RELN: variants seen among roughly 807,000 people sequenced by gnomAD.
RELN encodes the protein reelin.
RELN carries 108 observed loss-of-function variants against 427.6 expected under a neutral mutation model. The observed-to-expected ratio is 0.25, with a 90% confidence interval of 0.22 to 0.30. The LOEUF is 0.30. RELN is among the 10% of genes least tolerant of loss of function. The pLI is 1.00. For synonymous variants in RELN, 1,524 were observed against 1,513.4 expected (o/e 1.01, Z -0.16); for missense variants, 3,715 against 4,302.8 (o/e 0.86, Z 3.82).
chr7:103,939,253 A>C (rs747108933), intron 1 of RELN, among the ~76,000 whole-genome samples: 1 of 152,188 alleles, frequency 6.6e-6, no homozygotes, highest in Non-Finnish European at 1.5e-5. Context: ...CCAGCCATAC[A>C]GTTTTATAAG....
At chr7:103,985,355 C>CT (rs1176417349) in intron 1 of RELN, among the ~76,000 whole-genome samples, 2 of 152,174 alleles carry the variant, frequency 1.3e-5, no homozygotes, top group Non-Finnish European at 2.9e-5. Context: ...CCATCTTATG[C>CT]TACCATAGTA....
At chr7:103,906,450 T>C (rs1795206013) in intron 2 of RELN, among the ~76,000 whole-genome samples, 1 of 152,156 alleles carries the variant, frequency 6.6e-6, no homozygotes, top group African/African-American at 2.4e-5. Flanking sequence ...TATGATTTCT[T>C]AGAATCCCCA....
At chr7:103,750,319 C>A (rs566605024) in intron 5 of RELN, among the ~76,000 whole-genome samples, 1 of 152,224 alleles carries the variant, frequency 6.6e-6, no homozygotes, top group South Asian at 2.1e-4. Context: ...CTCTTTTGCT[C>A]GGCACTTCTT....
chr7:103,684,297 G>A (rs2299361), intron 10 of RELN, among the ~76,000 whole-genome samples: 2,920 of 152,140 alleles, frequency 0.019, 102 homozygotes, highest in African/African-American at 0.064. Context: ...GGGCACAGCG[G>A]GCTTGGTGTC....
chr7:103,649,314 C>A (rs1832863245), intron 16 of RELN, among the ~76,000 whole-genome samples: 1 of 151,938 alleles, frequency 6.6e-6, no homozygotes, highest in Non-Finnish European at 1.5e-5. Context: ...AGGCCATTAT[C>A]CTAAGTGATA....
At chr7:103,647,070 A>G (rs1412680385) in intron 16 of RELN, among the ~76,000 whole-genome samples, 1 of 151,914 alleles carries the variant, frequency 6.6e-6, no homozygotes, top group African/African-American at 2.4e-5. Flanking sequence ...AAAATAATAA[A>G]GGCCGTATAT....
intron 16 of RELN, among the ~76,000 whole-genome samples, chr7:103,647,113 G>A (rs1321773461): frequency 6.6e-6 from 1 of 151,890 alleles, no homozygotes; most frequent in African/African-American, 2.4e-5. Context: ...TATGGAATGG[G>A]GAAAAAGTCA....
chr7:103,907,296 G>A (rs1795229603), intron 2 of RELN, among the ~76,000 whole-genome samples: 5 of 145,528 alleles, frequency 3.4e-5, no homozygotes, highest in Admixed American at 2.1e-4. Context: ...CACACCTGTA[G>A]TCCCAGCTTC....
intron 31 of RELN, among the ~76,000 whole-genome samples, chr7:103,567,578 A>G (rs362728): frequency 0.73 from 110,501 of 151,936 alleles, 40,436 homozygotes; most frequent in African/African-American, 0.79. Flanking sequence ...CAGTGCCTGT[A>G]TTAAGAATAA....
At chr7:103,777,886 C>CACACACACACACAT (rs1791785075) in intron 3 of RELN, among the ~76,000 whole-genome samples, 1 of 149,120 alleles carries the variant, frequency 6.7e-6, no homozygotes, top group Admixed American at 6.7e-5. Context: ...TATACCTTCA[C>CACACACACACACAT]ACACACACAC....
intron 64 of RELN, among the ~76,000 whole-genome samples, chr7:103,478,024 C>T (rs1005093236): frequency 6.6e-6 from 1 of 152,162 alleles, no homozygotes; most frequent in African/African-American, 2.4e-5. Flanking sequence ...TCTATTTTCC[C>T]TTGTCCCTCA....
chr7:103,926,282 G>C (rs867935440), intron 1 of RELN, among the ~76,000 whole-genome samples: 1 of 151,940 alleles, frequency 6.6e-6, no homozygotes, highest in African/African-American at 2.4e-5. Flanking sequence ...TTTTAGTAGA[G>C]ATGGGGTTTC....
chr7:103,794,636 C>T (rs548392631), intron 3 of RELN, among the ~76,000 whole-genome samples: 1 of 152,256 alleles, frequency 6.6e-6, no homozygotes, highest in East Asian at 1.9e-4. Flanking sequence ...ATGCAATTCC[C>T]GAGTTGTCTT....
rs139655541 is a variant in RELN, at chr7:103,516,027, G to A, written c.7863-586C>T. On this transcript the variant is annotated intron_variant, in intron 49 of 64. Transcript: ENST00000428762. Reference sequence around the variant, plus strand: ...AAAATTGTATATATTCATAGAAAATGTCATGTGAGAACCATGGGCTAGCAA... The same window carrying A: ...AAAATTGTATATATTCATAGAAAATATCATGTGAGAACCATGGGCTAGCAA... 4.2e-3 allele frequency among the ~76,000 whole-genome samples: 634 copies of A among 152,250 alleles called. 5 individuals carry two copies. Among genetic ancestry groups the A allele is most frequent in the African/African-American group, 0.014 (592 of 41,532 alleles).
chr7:103,894,580 A>G (rs1473019780), intron 2 of RELN, among the ~76,000 whole-genome samples: 2 of 152,182 alleles, frequency 1.3e-5, no homozygotes, highest in East Asian at 3.9e-4. Flanking sequence ...ACATAATGGT[A>G]ATTCCTGCAT....
At chr7:103,477,416 A>G (rs543180684) in intron 64 of RELN, among the ~76,000 whole-genome samples, 4 of 152,366 alleles carry the variant, frequency 2.6e-5, no homozygotes, top group Middle Eastern at 6.8e-3. Flanking sequence ...TCACCAAAAC[A>G]TATGGTAGAA....
At chr7:103,867,644 T>C (rs888957111) in intron 2 of RELN, among the ~76,000 whole-genome samples, 4 of 152,024 alleles carry the variant, frequency 2.6e-5, no homozygotes, top group Admixed American at 6.6e-5. Flanking sequence ...TCAGAATTCT[T>C]ACCTTTAAAT....
chr7:103,930,722 C>G (rs1359104183), intron 1 of RELN, among the ~76,000 whole-genome samples: 1 of 152,154 alleles, frequency 6.6e-6, no homozygotes, highest in African/African-American at 2.4e-5. Flanking sequence ...CTGTCTTGGC[C>G]TCCCCAAAGT....
At chr7:103,777,552 T>G (rs2299381) in intron 3 of RELN, among the ~76,000 whole-genome samples, 3 of 151,928 alleles carry the variant, frequency 2.0e-5, no homozygotes, top group African/African-American at 7.3e-5. Flanking sequence ...TACAAGGCAC[T>G]GTACTAGCTC....
Sources: gnomAD v4.1 joint callset for allele counts (sites outside exome capture counted in the v4.1 genomes callset) on GRCh38, gnomAD v4.1.1 for gene constraint, MANE v1.5 for transcripts, NCBI Gene and HGNC (gene_info 2026-07-23, HGNC 2026-07-21) for gene names.